Variants in ADGRL2 observed in about 807,000 individuals in gnomAD.
ADGRL2 encodes calcium-independent alpha-latrotoxin receptor 2.
Under a neutral mutation model 157.4 loss-of-function variants are expected in ADGRL2, and 44 were observed. The ratio of observed to expected loss-of-function variants is 0.28; its 90% CI spans 0.22 to 0.36. The LOEUF (loss-of-function observed/expected upper bound fraction) is 0.36. Among genes scored for constraint, ADGRL2 ranks in the 10% least tolerant of loss-of-function variants. ADGRL2 has a pLI of 1.00. For missense variants in ADGRL2, 1,510 were observed against 1,768.9 expected (o/e 0.85, Z 2.63); for synonymous variants, 585 against 624.7 (o/e 0.94, Z 0.95).
rs76896200 is a variant in ADGRL2 at position 81,464,659 on chromosome 1, G to T, written c.-248+19570G>T. On this transcript the variant is annotated intron_variant, in intron 2 of 24. Coordinates refer to the ADGRL2 transcript ENST00000370721. The stretch of plus-strand genomic sequence containing the variant: ...GCCCATCTGAGTTAGGGCTTTTACC[G>T]TGGTTAATTGATACAGTTACTCCAG... Among the ~76,000 whole-genome samples the T allele has an allele frequency of 7.5e-3, 1,142 of 152,190 alleles. 10 individuals are homozygous for T. The highest frequency in any genetic ancestry group is 0.013 in the Non-Finnish European group (859 of 68,002).
intron 2 of ADGRL2, among the ~76,000 whole-genome samples, chr1:81,471,181 A>G (rs2078164367): frequency 1.3e-5 from 2 of 152,196 alleles, no homozygotes; most frequent in African/African-American, 4.8e-5. Flanking sequence ...TAGTAAATCT[A>G]CCACCAAATA....
intron 3 of ADGRL2, among the ~76,000 whole-genome samples, chr1:81,613,949 A>G (rs1020703736): frequency 6.6e-6 from 1 of 152,114 alleles, no homozygotes; most frequent in African/African-American, 2.4e-5. Flanking sequence ...TTGTGTTTAC[A>G]CCACCTGTCA....
exon 3 of ADGRL2, chr1:81,580,927 T>C (rs1214778490): frequency 6.6e-6 from 1 of 152,230 alleles, no homozygotes; most frequent in Non-Finnish European, 1.5e-5. Flanking sequence ...TGAAGGCTTG[T>C]GGCTGTCCTT....
chr1:81,453,071 G>A (rs193011783), intron 2 of ADGRL2, among the ~76,000 whole-genome samples: 81 of 152,284 alleles, frequency 5.3e-4, no homozygotes, highest in Admixed American at 5.0e-3. Context: ...GGGTAAAAGG[G>A]AAGGGAAACA....
intron 16 of ADGRL2, 51 bp from the exon 17 acceptor site, chr1:81,971,801 G>T (rs763251599): frequency 4.2e-6 from 4 of 951,702 alleles, no homozygotes; most frequent in Non-Finnish European, 6.7e-6. Flanking sequence ...TCCTTGTGAT[G>T]TTGAGGTTCC....
chr1:81,777,745 A>G (rs1356720784), intron 2 of ADGRL2, among the ~76,000 whole-genome samples: 1 of 152,182 alleles, frequency 6.6e-6, no homozygotes, highest in Non-Finnish European at 1.5e-5. Flanking sequence ...CCTGGGTGAC[A>G]AGTGAGACTC....
chr1:81,793,342 T>C (rs1571243558), intron 2 of ADGRL2, among the ~76,000 whole-genome samples: 1 of 152,256 alleles, frequency 6.6e-6, no homozygotes, highest in East Asian at 1.9e-4. Context: ...TTGTTTAAAG[T>C]ATTTCAGTAC....
intron 1 of ADGRL2, among the ~76,000 whole-genome samples, chr1:81,347,893 T>G (rs1662593115): frequency 6.6e-6 from 1 of 152,132 alleles, no homozygotes; most frequent in African/African-American, 2.4e-5. Context: ...CTATTGGGCT[T>G]CTTGGATTCT....
chr1:81,342,340 A>C (rs1662134167), intron 1 of ADGRL2, among the ~76,000 whole-genome samples: 1 of 152,232 alleles, frequency 6.6e-6, no homozygotes, highest in Non-Finnish European at 1.5e-5. Flanking sequence ...GGAATTAATC[A>C]AATCAAATTA....
Position 81,444,698 on chromosome 1 carries a change from G to A in ADGRL2, c.-301-338G>A, listed in dbSNP as rs77103383. ...CTGTCTAATGACTAACAAGATAAGAGTGCAATTGATCTTTTTATTAACCCA... is the reference window on the plus strand; with the variant it reads ...CTGTCTAATGACTAACAAGATAAGAATGCAATTGATCTTTTTATTAACCCA... On this transcript the variant is annotated intron_variant, in intron 1 of 24. Transcript: ENST00000370721. Among the ~76,000 whole-genome samples the A allele has an allele frequency of 5.0e-3, 761 of 152,290 alleles. 3 individuals are homozygous for A. Among genetic ancestry groups the A allele is most frequent in the Middle Eastern group, 0.014 (4 of 294 alleles).
In ADGRL2 at chr1:81,778,561, CT is replaced by C. The variant is rs1309229032; in HGVS notation, c.-101+16713del. 5.9e-5 allele frequency among the ~76,000 whole-genome samples: 9 copies of C among 152,198 alleles called. No homozygotes were observed. The South Asian group carries it at 1.5e-3, about 25-fold the overall frequency. ...CCTTAAAAAATGTTGATGACATCGT[CT>C]TTTATAATAAATATTATATAAGCTA... is the stretch of plus-strand genomic sequence containing the variant. On this transcript the variant is annotated intron_variant, in intron 2 of 20. Transcript: ENST00000359929.
intron 2 of ADGRL2, chr1:81,514,631 G>C (rs2079141045): frequency 6.6e-6 from 1 of 152,158 alleles, no homozygotes; most frequent in Admixed American, 6.5e-5. Context: ...CTCACGTACA[G>C]TTGTATCAAA....
At chr1:81,377,670 C>G (rs559372021) in intron 1 of ADGRL2, among the ~76,000 whole-genome samples, 19 of 152,134 alleles carry the variant, frequency 1.2e-4, no homozygotes, top group African/African-American at 4.1e-4. Context: ...CTTTGTGTGA[C>G]ATGTTGTGAT....
At position 81,502,154 on chromosome 1, in the gene ADGRL2, CA is replaced by C; in HGVS notation, c.-248+57066del. ...GGCTGCTTCAAAATATTTTCATGTG[CA>C]GAAAGTAGCTCGCCAAGATCCCAGA... On this transcript the variant is annotated intron_variant, in intron 2 of 24. Coordinates refer to the ADGRL2 transcript ENST00000370721. 6.9e-6 allele frequency: 11 copies of C among 1,591,650 alleles called. 1 individual carries two copies. In the Middle Eastern group the frequency reaches 1.0e-3, roughly 151 times the overall value.
intron 1 of ADGRL2, among the ~76,000 whole-genome samples, chr1:81,384,953 C>A (rs1355138454): frequency 6.6e-6 from 1 of 152,106 alleles, no homozygotes; most frequent in Non-Finnish European, 1.5e-5. Context: ...CTTTATCTTC[C>A]TCCTATTCAA....
rs548261247 is a variant in ADGRL2 at position 81,370,484 on chromosome 1, G to T, written c.-302+63975G>T. ...TAAGGTGATTTATTAAAACCATATT[G>T]TATATACCAAAGAAACTGAAATAAG... On this transcript the variant is annotated intron_variant, in intron 1 of 24. Transcript: ENST00000370721. Among the ~76,000 whole-genome samples, 80 of 152,112 alleles carry T rather than the reference G, an allele frequency of 5.3e-4. No individual in the cohort carries two copies. The East Asian group carries it at 0.014, about 26-fold the overall frequency.
chr1:81,783,978 T>C (rs2086923500), intron 2 of ADGRL2, among the ~76,000 whole-genome samples: 1 of 152,166 alleles, frequency 6.6e-6, no homozygotes, highest in African/African-American at 2.4e-5. Context: ...TCCCATTTTA[T>C]AAATTAGAAA....
chr1:81,440,368 C>T (rs1367593860), intron 1 of ADGRL2, among the ~76,000 whole-genome samples: 3 of 152,162 alleles, frequency 2.0e-5, no homozygotes, highest in Non-Finnish European at 4.4e-5. Flanking sequence ...CTGTGAAGTG[C>T]TCTGTGAAGG....
At chr1:81,656,860 A>G (rs544788656) in intron 3 of ADGRL2, among the ~76,000 whole-genome samples, 1 of 152,016 alleles carries the variant, frequency 6.6e-6, no homozygotes, top group South Asian at 2.1e-4. Context: ...AAATACAAAA[A>G]TTAGATGGGT....
Sources: gnomAD v4.1 joint callset for allele counts (sites outside exome capture counted in the v4.1 genomes callset) on GRCh38, gnomAD v4.1.1 for gene constraint, MANE v1.5 for transcripts, NCBI Gene and HGNC (gene_info 2026-07-23, HGNC 2026-07-21) for gene names.